QTMAN: variants seen among roughly 807,000 people sequenced by gnomAD.
QTMAN encodes queuosine-tRNA mannosyltransferase.
chr2:144,048,215 T>C, the QTMAN span, among the ~76,000 whole-genome samples: 1 of 152,134 alleles, frequency 6.6e-6, no homozygotes, highest in Non-Finnish European at 1.5e-5. Context: ...GGGAGTAACA[T>C]TATACATAAT....
At chr2:144,298,097 C>G in the QTMAN span, among the ~76,000 whole-genome samples, 1 of 151,404 alleles carries the variant, frequency 6.6e-6, no homozygotes, top group Non-Finnish European at 1.5e-5. Flanking sequence ...CGGCTCACTT[C>G]AAGCTGCGCC....
chr2:144,215,249 T>TA, the QTMAN span, among the ~76,000 whole-genome samples: 2,779 of 139,692 alleles, frequency 0.02, 34 homozygotes, highest in Non-Finnish European at 0.027. Context: ...CTTTATTTTT[T>TA]AAAAAAAAAA....
chr2:144,307,890 ATGT>A, the QTMAN span, among the ~76,000 whole-genome samples: 1 of 152,192 alleles, frequency 6.6e-6, no homozygotes, highest in African/African-American at 2.4e-5. Context: ...AATCATTTAG[ATGT>A]TAATGCTCCC....
the QTMAN span, among the ~76,000 whole-genome samples, chr2:144,199,571 T>A: frequency 6.6e-6 from 1 of 152,136 alleles, no homozygotes; most frequent in Non-Finnish European, 1.5e-5. Flanking sequence ...TAAGAAGTCA[T>A]ATTAGAGTGA....
At chr2:143,970,488 TA>T in the QTMAN span, among the ~76,000 whole-genome samples, 2 of 151,148 alleles carry the variant, frequency 1.3e-5, no homozygotes, top group East Asian at 1.9e-4. Flanking sequence ...AATGCTTACT[TA>T]AGTATTTTTT....
the QTMAN span, among the ~76,000 whole-genome samples, chr2:144,302,823 G>T: frequency 6.6e-6 from 1 of 152,064 alleles, no homozygotes; most frequent in East Asian, 1.9e-4. Flanking sequence ...GCACAGTGCC[G>T]GGCATGGTGG....
the QTMAN span, among the ~76,000 whole-genome samples, chr2:144,233,337 C>T: frequency 6.6e-6 from 1 of 152,100 alleles, no homozygotes; most frequent in African/African-American, 2.4e-5. Context: ...GCACCAACTT[C>T]TATAAGGAAC....
the QTMAN span, among the ~76,000 whole-genome samples, chr2:144,098,720 A>T: frequency 3.9e-5 from 6 of 152,142 alleles, no homozygotes; most frequent in Admixed American, 3.9e-4. Context: ...GTCTCAAAAA[A>T]AAAAAAAAGT....
chr2:144,120,095 AAT>A, the QTMAN span, among the ~76,000 whole-genome samples: 9 of 152,222 alleles, frequency 5.9e-5, no homozygotes, highest in Non-Finnish European at 8.8e-5. Flanking sequence ...CAAAAGAAAA[AAT>A]ATGAGATTTG....
chr2:144,096,784 A>T, the QTMAN span, among the ~76,000 whole-genome samples: 1 of 152,242 alleles, frequency 6.6e-6, no homozygotes, highest in Non-Finnish European at 1.5e-5. Flanking sequence ...TCAGAGAGTG[A>T]CTGCGCATCA....
At chr2:144,109,562 A>C in the QTMAN span, among the ~76,000 whole-genome samples, 8 of 152,210 alleles carry the variant, frequency 5.3e-5, no homozygotes, top group Non-Finnish European at 8.8e-5. Flanking sequence ...TAATTAAACT[A>C]AAGAGCTTCT....
the QTMAN span, among the ~76,000 whole-genome samples, chr2:144,015,403 A>C: frequency 6.6e-6 from 1 of 152,068 alleles, no homozygotes; most frequent in African/African-American, 2.4e-5. Flanking sequence ...TCAATTTCCT[A>C]AGGTCTTTAT....
the QTMAN span, chr2:144,145,981 G>GT: frequency 1.2e-4 from 4 of 33,564 alleles, no homozygotes; most frequent in East Asian, 3.0e-3. Context: ...ACTGAGAAAT[G>GT]TTAAAAAAAA....
the QTMAN span, among the ~76,000 whole-genome samples, chr2:143,996,009 C>T: frequency 2.0e-5 from 3 of 152,110 alleles, no homozygotes; most frequent in African/African-American, 7.2e-5. Flanking sequence ...TTATGATCAC[C>T]ACTGCTACTA....
the QTMAN span, among the ~76,000 whole-genome samples, chr2:144,133,246 A>AAT: frequency 1.1e-4 from 3 of 27,026 alleles, no homozygotes; most frequent in South Asian, 2.4e-3. Context: ...TTTATATATA[A>AAT]ATATATATAA....
chr2:144,270,653 G>A, the QTMAN span, among the ~76,000 whole-genome samples: 27 of 151,766 alleles, frequency 1.8e-4, no homozygotes, highest in Non-Finnish European at 3.4e-4. Flanking sequence ...GGGGCCTGCC[G>A]GGGGTGGGGG....
chr2:144,123,623 A>C, the QTMAN span, among the ~76,000 whole-genome samples: 4 of 152,152 alleles, frequency 2.6e-5, no homozygotes, highest in African/African-American at 9.7e-5. Context: ...TCGGACAACT[A>C]ATCTTTTTTG....
the QTMAN span, among the ~76,000 whole-genome samples, chr2:144,282,227 G>A: frequency 6.6e-6 from 1 of 152,124 alleles, no homozygotes; most frequent in Non-Finnish European, 1.5e-5. Context: ...CCTGGCCTGA[G>A]AAGCTGTATT....
the QTMAN span, among the ~76,000 whole-genome samples, chr2:144,033,097 G>A: frequency 2.0e-5 from 3 of 152,282 alleles, no homozygotes; most frequent in African/African-American, 4.8e-5. Flanking sequence ...AACAAACACT[G>A]TTTTACTATA....
Sources: gnomAD v4.1 joint callset for allele counts (sites outside exome capture counted in the v4.1 genomes callset) on GRCh38, gnomAD v4.1.1 for gene constraint, MANE v1.5 for transcripts, NCBI Gene and HGNC (gene_info 2026-07-23, HGNC 2026-07-21) for gene names.